NAT10: variants seen among roughly 807,000 people sequenced by gnomAD.
NAT10 encodes the protein RNA cytidine acetyltransferase.
Under a neutral mutation model 132.2 loss-of-function variants are expected in NAT10, and 109 were observed. The observed-to-expected ratio is 0.82, with a 90% CI of 0.71 to 0.97. NAT10 has a LOEUF of 0.97. Among genes scored for constraint, NAT10 ranks in the 50% least tolerant of loss-of-function variants. The pLI is 0.00. For synonymous variants in NAT10, 479 were observed against 478.0 expected (o/e 1.00, Z -0.03); for missense variants, 1,184 against 1,263.4 (o/e 0.94, Z 0.95).
At chr11:34,126,403 C>T (rs1375418440) in intron 11 of NAT10, among the ~76,000 whole-genome samples, 1 of 152,152 alleles carries the variant, frequency 6.6e-6, no homozygotes, top group Non-Finnish European at 1.5e-5. Context: ...CCTTTTTTAA[C>T]ATTTGTTTTC....
chr11:34,135,147 G>T (rs1336663593), intron 18 of NAT10, 28 bp from the exon 19 acceptor site: 2 of 1,577,148 alleles, frequency 1.3e-6, no homozygotes, highest in Non-Finnish European at 1.7e-6. Flanking sequence ...TCTTCCCTCG[G>T]CCTCTTCCCC....
At chr11:34,130,702 G>A in intron 12 of NAT10, 111 bp from the exon 13 acceptor site, 1 of 1,353,318 alleles carries the variant, frequency 7.4e-7, no homozygotes, top group African/African-American at 1.4e-5. Flanking sequence ...AGGCTGTCCT[G>A]GGGGAAGCAG....
chr11:34,139,065 C>T, intron 21 of NAT10, 126 bp from the exon 22 acceptor site: 2 of 829,906 alleles, frequency 2.4e-6, no homozygotes, highest in East Asian at 2.6e-5. Flanking sequence ...CTACCCCCAG[C>T]CTGGAAAGAA....
intron 8 of NAT10, among the ~76,000 whole-genome samples, chr11:34,120,695 C>T (rs944615478): frequency 1.3e-5 from 2 of 152,330 alleles, no homozygotes; most frequent in East Asian, 3.9e-4. Context: ...CTTCATGGAG[C>T]TTGCCTCCTA....
chr11:34,121,179 A>G (rs75281521), intron 8 of NAT10, among the ~76,000 whole-genome samples: 1,538 of 152,290 alleles, frequency 0.01, 22 homozygotes, highest in African/African-American at 0.035. Flanking sequence ...TGCCAGAGGC[A>G]TCCCCAGGCT....
At chr11:34,117,096 C>G (rs1481170042) in intron 6 of NAT10, among the ~76,000 whole-genome samples, 4 of 152,162 alleles carry the variant, frequency 2.6e-5, no homozygotes, top group Non-Finnish European at 5.9e-5. Flanking sequence ...CTGGGAAACA[C>G]CTATACCGTT....
rs1852275455 is a variant in NAT10, at chr11:34,139,209, C to T, written c.2230C>T (p.His744Tyr). Residue 744 changes from histidine to tyrosine, a missense_variant, in exon 22 of 29, where the codon CAC becomes TAC. Physicochemically the swap from His to Tyr is moderately conservative, Grantham distance 83 (BLOSUM62 2). Coordinates refer to ENST00000257829, the MANE Select transcript of NAT10 (RefSeq NM_024662.3). ...RQTPNDLTGEHSCIMLKTLTD... is the reference protein window; with the variant it reads ...RQTPNDLTGEYSCIMLKTLTD... ...TGCCCAGAATGACCTGACCGGAGAG[C>T]ACTCGTGCATCATGCTGAAGACGCT... The T allele has an allele frequency of 6.2e-7, 1 of 1,614,008 alleles. No individual in the cohort carries two copies. Among genetic ancestry groups the T allele is most frequent in the Middle Eastern group, 1.6e-4 (1 of 6,062 alleles).
At chr11:34,136,842 T>C in intron 20 of NAT10, 67 bp downstream of exon 20, 1 of 1,612,752 alleles carries the variant, frequency 6.2e-7, no homozygotes, top group East Asian at 2.2e-5. Flanking sequence ...CTGTGGGCTG[T>C]GTGTCTCTGT....
At chr11:34,119,461 T>G (rs1185992950) in intron 8 of NAT10, among the ~76,000 whole-genome samples, 1 of 152,264 alleles carries the variant, frequency 6.6e-6, no homozygotes, top group African/African-American at 2.4e-5. Context: ...CTGCAGGCCC[T>G]AGGCTTTTTT....
rs1379024932 is a variant in NAT10 at position 34,139,329 on chromosome 11, T to A, written c.2308+42T>A. 1.3e-6 allele frequency: 2 copies of A among 1,598,728 alleles called. 1 individual carries two copies. Among genetic ancestry groups the A allele is most frequent in the African/African-American group, 2.7e-5 (2 of 74,490 alleles). On this transcript the variant is annotated intron_variant, in intron 22 of 28. Coordinates refer to ENST00000257829, the MANE Select transcript of NAT10 (RefSeq NM_024662.3). ...GGTTTGGGGGAGACAATGAGGTGAT[T>A]GGGGGCTGCCGGGGATGCCTCCAGA...
At chr11:34,109,421 CA>C (rs1851655228) in intron 3 of NAT10, among the ~76,000 whole-genome samples, 1 of 152,208 alleles carries the variant, frequency 6.6e-6, no homozygotes, top group Non-Finnish European at 1.5e-5. Context: ...TACCTTAAAA[CA>C]GAAATCTTTT....
Position 34,141,840 on chromosome 11 carries a change from G to A in NAT10, c.2811+23G>A, listed in dbSNP as rs368783155. ...CTAGTATGTCCCTGCTCATGGCCTC[G>A]GGAGTCCCAGCATTTCCATCAGTTG... On this transcript the variant is annotated intron_variant, in intron 26 of 28. Transcript: ENST00000257829. 1.1e-4 allele frequency: 176 copies of A among 1,592,692 alleles called. 1 individual carries two copies. The African/African-American group carries it at 1.8e-3, about 16-fold the overall frequency.
intron 15 of NAT10, 40 bp from the exon 16 acceptor site, chr11:34,132,986 G>A (rs777171096): frequency 6.6e-7 from 1 of 1,523,250 alleles, no homozygotes; most frequent in East Asian, 2.3e-5. Flanking sequence ...AAGGGCAAGA[G>A]GAAGAGTGCT....
In NAT10 at chr11:34,136,708, A is replaced by G. The variant is rs992300997; in HGVS notation, c.2095A>G (p.Asn699Asp). 6.2e-7 allele frequency: 1 copy of G among 1,614,040 alleles called. No homozygotes were observed. Among genetic ancestry groups the G allele is most frequent in the Admixed American group, 1.7e-5 (1 of 60,010 alleles). ...KDLPPLLLKL[N>D]ERPAERLDYL... Reference sequence around the variant, plus strand: ...CCTGCCTCCTTTACTCCTCAAATTGAATGAGAGGCCTGCCGAACGCCTGGA... The same window carrying G: ...CCTGCCTCCTTTACTCCTCAAATTGGATGAGAGGCCTGCCGAACGCCTGGA... The change falls in exon 20 of 29, where the codon AAT becomes GAT. Residue 699 changes from asparagine (N) to aspartate (D), a missense_variant. Coordinates refer to ENST00000257829, the MANE Select transcript of NAT10 (RefSeq NM_024662.3).
At chr11:34,123,915 A>G (rs1332968413) in intron 10 of NAT10, 60 bp downstream of exon 10, 18 of 1,371,930 alleles carry the variant, frequency 1.3e-5, no homozygotes, top group Non-Finnish European at 1.8e-5. Context: ...CACGCCTGTA[A>G]TCCCAGCACT....
chr11:34,142,622 G>C (rs181215129), intron 27 of NAT10, among the ~76,000 whole-genome samples: 12 of 152,202 alleles, frequency 7.9e-5, no homozygotes, highest in Non-Finnish European at 1.8e-4. Flanking sequence ...TTCCAGGAGT[G>C]GGGGTGCCGA....
In NAT10 at chr11:34,146,742, C is replaced by T. The variant is rs1181824723; in HGVS notation, c.*550C>T. On this transcript the variant is annotated 3_prime_UTR_variant, in exon 29 of 29. Coordinates refer to ENST00000257829, the MANE Select transcript of NAT10 (RefSeq NM_024662.3). ...GTTCCACTCTTGGCTCCAGCAGACCCACTGTCCCAGAAAAGCCTGATCCTG... is the reference window on the plus strand; with the variant it reads ...GTTCCACTCTTGGCTCCAGCAGACCTACTGTCCCAGAAAAGCCTGATCCTG... The T allele has an allele frequency of 6.6e-6, 1 of 152,478 alleles. No individual in the cohort carries two copies. Among genetic ancestry groups the T allele is most frequent in the Non-Finnish European group, 1.5e-5 (1 of 68,252 alleles). 9.4% of individuals were successfully genotyped at this position (152,478 alleles called of 1,614,324 possible).
intron 25 of NAT10, 58 bp from the exon 26 acceptor site, chr11:34,141,661 G>A: frequency 3.3e-6 from 5 of 1,510,062 alleles, no homozygotes; most frequent in Non-Finnish European, 4.6e-6. Context: ...TGGGTCACGG[G>A]TGACTGGGTC....
At chr11:34,118,054 G>C (rs1851814732) in intron 6 of NAT10, 126 bp from the exon 7 acceptor site, 1 of 690,568 alleles carries the variant, frequency 1.4e-6, no homozygotes, top group Non-Finnish European at 2.4e-6. Flanking sequence ...CTCCAACTAG[G>C]TTTTAGCTTT....
Sources: allele counts gnomAD v4.1 joint callset (sites outside exome capture counted in the v4.1 genomes callset), GRCh38; gene constraint gnomAD v4.1.1; transcripts MANE v1.5; gene names NCBI Gene and HGNC (gene_info 2026-07-23, HGNC 2026-07-21).